The following ASXL3 variants were observed in gnomAD, a reference collection of about 807,000 sequenced individuals.
The protein encoded by ASXL3 is putative Polycomb group protein ASXL3.
Under a neutral mutation model 170.6 loss-of-function variants are expected in ASXL3, and 34 were observed. That is an observed-to-expected ratio of 0.20 (90% confidence interval 0.15 to 0.27). ASXL3 has a LOEUF of 0.27. ASXL3 is among the 10% of genes least tolerant of loss of function. ASXL3 has a pLI of 1.00. For synonymous variants in ASXL3, 1,002 were observed against 989.1 expected, an observed-to-expected ratio of 1.01 and a Z score of -0.24; for missense variants, 2,592 against 2,695.3, an observed-to-expected ratio of 0.96 and a Z score of 0.85.
intron 7 of ASXL3, among the ~76,000 whole-genome samples, chr18:33,674,778 C>T (rs914145002): frequency 6.6e-6 from 1 of 151,982 alleles, no homozygotes; most frequent in Non-Finnish European, 1.5e-5. Flanking sequence ...ACCACCACAC[C>T]CGGCTAATTT....
At chr18:33,617,116 A>G (rs564968813) in intron 2 of ASXL3, among the ~76,000 whole-genome samples, 2 of 152,248 alleles carry the variant, frequency 1.3e-5, no homozygotes, top group South Asian at 2.1e-4. Context: ...ACACAGTACC[A>G]TGGTTCTATT....
At chr18:33,610,123 A>ATGTAC (rs1331317662) in intron 2 of ASXL3, among the ~76,000 whole-genome samples, 11 of 151,998 alleles carry the variant, frequency 7.2e-5, no homozygotes, top group South Asian at 2.1e-4. Flanking sequence ...TGCCTACTTA[A>ATGTAC]TGTACTGTTT....
At chr18:33,607,726 C>T (rs1423043053) in intron 2 of ASXL3, 50 bp downstream of exon 2, 1 of 1,371,576 alleles carries the variant, frequency 7.3e-7, no homozygotes, top group East Asian at 2.5e-5. Flanking sequence ...ATAATAATTG[C>T]CACTCGTTGC....
At chr18:33,675,069 G>A (rs570011622) in intron 7 of ASXL3, among the ~76,000 whole-genome samples, 3 of 152,268 alleles carry the variant, frequency 2.0e-5, no homozygotes, top group South Asian at 4.1e-4. Flanking sequence ...TACATCTGTA[G>A]TCCTTACTAC....
chr18:33,705,697 G>A (rs1021981884), intron 8 of ASXL3, among the ~76,000 whole-genome samples: 1 of 151,828 alleles, frequency 6.6e-6, no homozygotes, highest in Non-Finnish European at 1.5e-5. Context: ...TGAAAGTGAA[G>A]AAATTATGGA....
chr18:33,640,619 A>G (rs1366674485), intron 2 of ASXL3, among the ~76,000 whole-genome samples: 2 of 152,268 alleles, frequency 1.3e-5, no homozygotes, highest in South Asian at 2.1e-4. Flanking sequence ...CAATTTTCAC[A>G]AAGTGAACAC....
intron 8 of ASXL3, among the ~76,000 whole-genome samples, chr18:33,689,253 C>T (rs112465996): frequency 0.1 from 15,509 of 152,208 alleles, 1,003 homozygotes; most frequent in South Asian, 0.19. Flanking sequence ...CTCGGCCTCC[C>T]AAAGTGCTGG....
At chr18:33,697,575 C>T (rs1186368899) in intron 8 of ASXL3, among the ~76,000 whole-genome samples, 1 of 152,086 alleles carries the variant, frequency 6.6e-6, no homozygotes, top group Non-Finnish European at 1.5e-5. Flanking sequence ...ACGACTAAGG[C>T]GTATGATTTT....
At chr18:33,580,918 A>G (rs2064986045) in intron 1 of ASXL3, among the ~76,000 whole-genome samples, 1 of 152,186 alleles carries the variant, frequency 6.6e-6, no homozygotes, top group Non-Finnish European at 1.5e-5. Flanking sequence ...AATACTGAAT[A>G]AAATTGCAAG....
In ASXL3 at chr18:33,746,621, C is replaced by G. The variant is rs1417306341; in HGVS notation, c.*26C>G. 6.5e-7 allele frequency: 1 copy of G among 1,531,360 alleles called. No homozygotes were observed. 94.9% of individuals were successfully genotyped at this position (1,531,360 alleles called of 1,614,324 possible). A position where few individuals can be genotyped will look rare whatever the true frequency, so the allele number is the denominator to read the frequency against. Reference sequence around the variant, plus strand: ...GAGCTGAGTGAAAGATGCAGTATCCCTTTTCCACACGGAAAAGCCAAATAG... The same window carrying G: ...GAGCTGAGTGAAAGATGCAGTATCCGTTTTCCACACGGAAAAGCCAAATAG... On this transcript the variant is annotated 3_prime_UTR_variant, in exon 12 of 12. Transcript: ENST00000269197.
intron 8 of ASXL3, among the ~76,000 whole-genome samples, chr18:33,717,463 G>A (rs1390656903): frequency 6.6e-6 from 1 of 152,052 alleles, no homozygotes; most frequent in Non-Finnish European, 1.5e-5. Context: ...ATTATTTCTA[G>A]TTCATATAAC....
At chr18:33,677,936 C>T (rs1244197936) in intron 7 of ASXL3, among the ~76,000 whole-genome samples, 1 of 152,152 alleles carries the variant, frequency 6.6e-6, no homozygotes, top group Admixed American at 6.5e-5. Context: ...TTTGTGTAAG[C>T]TGAAGTGCAG....
intron 4 of ASXL3, among the ~76,000 whole-genome samples, chr18:33,647,936 A>G (rs1305107563): frequency 6.6e-6 from 1 of 152,016 alleles, no homozygotes; most frequent in Non-Finnish European, 1.5e-5. Flanking sequence ...CAGGGGAGAG[A>G]ACTCCAGGTA....
intron 8 of ASXL3, among the ~76,000 whole-genome samples, chr18:33,728,569 A>G (rs2067386420): frequency 6.6e-6 from 1 of 152,134 alleles, no homozygotes; most frequent in Admixed American, 6.5e-5. Context: ...AAAACTCCTT[A>G]ATAACATTTC....
chr18:33,746,038 A>C lies in ASXL3; in HGVS notation c.6190A>C (p.Thr2064Pro). 6.2e-7 allele frequency: 1 copy of C among 1,612,588 alleles called. No individual in the cohort carries two copies. The highest frequency in any genetic ancestry group is 8.5e-7 in the Non-Finnish European group (1 of 1,179,756). ...QKQPPVTMET[T>P]KRLSWPQSTG... The stretch of plus-strand genomic sequence containing the variant: ...ACAACCTCCAGTTACCATGGAAACC[A>C]CTAAGAGACTTAGTTGGCCACAGTC... Residue 2064 changes from threonine to proline, a missense_variant, in exon 12 of 12, where the codon ACT becomes CCT. Transcript: ENST00000269197.
chr18:33,665,379 T>C (rs2145241758), intron 5 of ASXL3, among the ~76,000 whole-genome samples: 1 of 152,340 alleles, frequency 6.6e-6, no homozygotes, highest in Non-Finnish European at 1.5e-5. Flanking sequence ...AAAGGTTATA[T>C]TGCATGATAG....
At chr18:33,641,927 C>T (rs538261309) in intron 2 of ASXL3, 4 of 152,200 alleles carry the variant, frequency 2.6e-5, no homozygotes, top group African/African-American at 7.2e-5. Context: ...TTCTAAATTC[C>T]GACTGAGGTG....
chr18:33,659,430 AATGTGAAAGTAATAAAACATAT>A (rs2066136991), intron 4 of ASXL3, among the ~76,000 whole-genome samples: 1 of 152,068 alleles, frequency 6.6e-6, no homozygotes, highest in Non-Finnish European at 1.5e-5. Context: ...CCATTGTAAG[AATGTGAAAGTAATAAAACATAT>A]ATGCTAATGC....
In ASXL3 at chr18:33,750,502, C is replaced by T. The variant is rs572713670; in HGVS notation, c.*3907C>T. 6.7e-6 allele frequency: 1 copy of T among 150,064 alleles called. No individual in the cohort carries two copies. The highest frequency in any genetic ancestry group is 6.6e-5 in the Admixed American group (1 of 15,078). 9.3% of individuals were successfully genotyped at this position (150,064 alleles called of 1,614,324 possible). ...CTGTATTCCCCTCCTTCCCCTGCTT[C>T]ATGGAAACCTGATATGATACATATT... is the stretch of plus-strand genomic sequence containing the variant. On this transcript the variant is annotated 3_prime_UTR_variant, in exon 12 of 12. Transcript: ENST00000269197.
Sources: allele counts gnomAD v4.1 joint callset (sites outside exome capture counted in the v4.1 genomes callset), GRCh38; gene constraint gnomAD v4.1.1; transcripts MANE v1.5; gene names NCBI Gene and HGNC (gene_info 2026-07-23, HGNC 2026-07-21).